SPOCK3: variants seen among roughly 807,000 people sequenced by gnomAD.
SPOCK3 encodes testican-3.
A neutral mutation model predicts 56.6 loss-of-function variants in SPOCK3; 30 were observed. The ratio of observed to expected loss-of-function variants is 0.53; its 90% confidence interval spans 0.40 to 0.72. The LOEUF (loss-of-function observed/expected upper bound fraction) is 0.72, where lower values mean the gene tolerates loss of function less well. SPOCK3 is among the 30% of genes least tolerant of loss of function. The pLI is 0.00. For missense variants in SPOCK3, 527 were observed against 530.0 expected, an observed-to-expected ratio of 0.99 and a Z score of 0.06; for synonymous variants, 196 against 183.3, an observed-to-expected ratio of 1.07 and a Z score of -0.56.
chr4:166,953,815 C>T (rs1743029711), intron 4 of SPOCK3, among the ~76,000 whole-genome samples: 1 of 142,332 alleles, frequency 7.0e-6, no homozygotes, highest in South Asian at 2.5e-4. Flanking sequence ...AATCATCATT[C>T]TCAGTAAACT....
chr4:167,047,543 T>C (rs1376101582), intron 3 of SPOCK3, among the ~76,000 whole-genome samples: 1 of 152,208 alleles, frequency 6.6e-6, no homozygotes, highest in African/African-American at 2.4e-5. Flanking sequence ...GTTAGAATTA[T>C]TGGATTGGTT....
chr4:167,143,693 A>G (rs191485702), intron 2 of SPOCK3, among the ~76,000 whole-genome samples: 1 of 152,112 alleles, frequency 6.6e-6, no homozygotes, highest in Non-Finnish European at 1.5e-5. Context: ...GGTTTAAAAA[A>G]TCAAAAACTA....
chr4:166,769,248 AG>A (rs1245691364), intron 7 of SPOCK3, among the ~76,000 whole-genome samples: 3 of 151,996 alleles, frequency 2.0e-5, no homozygotes, highest in Non-Finnish European at 4.4e-5. Flanking sequence ...GTTCCTTTGG[AG>A]GGGGAGAGGT....
At chr4:166,995,468 C>T (rs961304170) in intron 4 of SPOCK3, among the ~76,000 whole-genome samples, 1 of 151,964 alleles carries the variant, frequency 6.6e-6, no homozygotes, top group Non-Finnish European at 1.5e-5. Context: ...TATCTATAAA[C>T]ATCTGTTCAT....
intron 3 of SPOCK3, among the ~76,000 whole-genome samples, chr4:167,043,945 T>C (rs1753475764): frequency 6.6e-6 from 1 of 152,060 alleles, no homozygotes; most frequent in Admixed American, 6.6e-5. Flanking sequence ...ATTAGCATGA[T>C]GGTGGCCTTT....
At chr4:166,865,290 T>A (rs1379755758) in intron 6 of SPOCK3, among the ~76,000 whole-genome samples, 1 of 152,118 alleles carries the variant, frequency 6.6e-6, no homozygotes, top group Non-Finnish European at 1.5e-5. Context: ...TTCAAAATAA[T>A]AAGAGCTATT....
chr4:166,973,032 C>G (rs1579855396), intron 4 of SPOCK3, among the ~76,000 whole-genome samples: 1 of 152,082 alleles, frequency 6.6e-6, no homozygotes, highest in South Asian at 2.1e-4. Flanking sequence ...TAAACTGTAA[C>G]CCGAATTGTA....
intron 4 of SPOCK3, among the ~76,000 whole-genome samples, chr4:166,952,462 T>C (rs1285081811): frequency 6.6e-6 from 1 of 152,202 alleles, no homozygotes; most frequent in Non-Finnish European, 1.5e-5. Flanking sequence ...GAACATTCCA[T>C]GCTCATGGGT....
intron 2 of SPOCK3, among the ~76,000 whole-genome samples, chr4:167,154,909 C>T (rs1238925171): frequency 1.3e-5 from 2 of 152,044 alleles, no homozygotes; most frequent in Non-Finnish European, 2.9e-5. Flanking sequence ...TCCAATCTCT[C>T]CTGCTTCCTT....
At chr4:167,135,680 CGTGTGTGTGTGTGT>C (rs57918767) in intron 2 of SPOCK3, among the ~76,000 whole-genome samples, 12 of 147,770 alleles carry the variant, frequency 8.1e-5, no homozygotes, top group South Asian at 4.4e-4. Context: ...CTATATAAAA[CGTGTGTGTGTGTGT>C]GTGTGTGTGT....
intron 2 of SPOCK3, among the ~76,000 whole-genome samples, chr4:167,153,687 T>C (rs540701966): frequency 6.6e-6 from 1 of 152,314 alleles, no homozygotes; most frequent in East Asian, 1.9e-4. Context: ...GGCTTTAAAT[T>C]TTAGCAGTAT....
intron 2 of SPOCK3, among the ~76,000 whole-genome samples, chr4:167,096,971 T>A (rs1242527077): frequency 6.6e-6 from 1 of 151,838 alleles, no homozygotes; most frequent in African/African-American, 2.4e-5. Context: ...TATTGTTATG[T>A]CTTCTTAGAA....
chr4:167,135,533 A>G (rs1159616239), intron 2 of SPOCK3, among the ~76,000 whole-genome samples: 1 of 152,162 alleles, frequency 6.6e-6, no homozygotes, highest in East Asian at 1.9e-4. Context: ...CTGTCTTAGC[A>G]GCCTATGAAC....
chr4:166,882,153 G>A (rs1185469692), intron 6 of SPOCK3, among the ~76,000 whole-genome samples: 1 of 152,128 alleles, frequency 6.6e-6, no homozygotes, highest in Non-Finnish European at 1.5e-5. Flanking sequence ...ATTAACATGT[G>A]TAAAGCACAC....
intron 4 of SPOCK3, among the ~76,000 whole-genome samples, chr4:166,988,592 A>G (rs1488819858): frequency 6.6e-6 from 1 of 152,118 alleles, no homozygotes; most frequent in Non-Finnish European, 1.5e-5. Context: ...AAATATAGTA[A>G]CAAATAAACA....
At chr4:167,008,101 T>C (rs1749643616) in intron 3 of SPOCK3, among the ~76,000 whole-genome samples, 2 of 152,076 alleles carry the variant, frequency 1.3e-5, no homozygotes, top group South Asian at 4.1e-4. Context: ...ACTATAAATA[T>C]ATTTATTTCT....
chr4:166,991,519 G>A (rs189520005), intron 4 of SPOCK3, among the ~76,000 whole-genome samples: 5 of 151,846 alleles, frequency 3.3e-5, no homozygotes, highest in Non-Finnish European at 4.4e-5. Context: ...ACAGGCATGC[G>A]CCACAACACC....
chr4:167,106,254 A>G (rs186716529), intron 2 of SPOCK3, among the ~76,000 whole-genome samples: 1 of 152,076 alleles, frequency 6.6e-6, no homozygotes, highest in Non-Finnish European at 1.5e-5. Context: ...ATTTTAAAAT[A>G]TTCCAAAAAA....
At chr4:166,762,214 G>T (rs1737336475) in intron 7 of SPOCK3, among the ~76,000 whole-genome samples, 1 of 151,964 alleles carries the variant, frequency 6.6e-6, no homozygotes, top group African/African-American at 2.4e-5. Context: ...TGCTCACCTT[G>T]GTTCTGGAAA....
Sources: allele counts gnomAD v4.1 joint callset (sites outside exome capture counted in the v4.1 genomes callset), GRCh38; gene constraint gnomAD v4.1.1; transcripts MANE v1.5; gene names NCBI Gene and HGNC (gene_info 2026-07-23, HGNC 2026-07-21).